NR2C2: variants seen among roughly 807,000 people sequenced by gnomAD.
The protein encoded by NR2C2 is Nuclear hormone receptor TR4.
A neutral mutation model predicts 62.9 loss-of-function variants in NR2C2; 6 were observed. That is an observed-to-expected ratio of 0.10 (90% confidence interval 0.05 to 0.19). The LOEUF (loss-of-function observed/expected upper bound fraction) is 0.19, where lower values mean the gene tolerates loss of function less well. Among genes scored for constraint, NR2C2 ranks in the 10% least tolerant of loss-of-function variants. NR2C2 has a pLI of 1.00. For synonymous variants in NR2C2, 272 were observed against 273.8 expected (o/e 0.99, Z 0.07); for missense variants, 479 against 762.7 (o/e 0.63, Z 4.38).
chr3:14,970,022 G>A (rs1012950547), intron 1 of NR2C2, among the ~76,000 whole-genome samples: 1 of 152,040 alleles, frequency 6.6e-6, no homozygotes, highest in Non-Finnish European at 1.5e-5. Context: ...CCTCTAACTG[G>A]ATGTTTAAAT....
rs1347144791 is a variant in NR2C2, at chr3:15,047,428, G to A, written c.*4420G>A. 2.0e-5 allele frequency: 3 copies of A among 152,216 alleles called. No individual in the cohort carries two copies. Among genetic ancestry groups the A allele is most frequent in the Admixed American group, 6.5e-5 (1 of 15,268 alleles). The allele number at this position is 152,216 out of a possible 1,614,324, so 9.4% of individuals were successfully genotyped here. A position where few individuals can be genotyped will look rare whatever the true frequency, so the allele number is the denominator to read the frequency against. On this transcript the variant is annotated 3_prime_UTR_variant, in exon 14 of 14. Coordinates refer to ENST00000425241, the MANE Select transcript of NR2C2 (RefSeq NM_001291694.2). Reference sequence around the variant, plus strand: ...TTTATCTTAATATCCAAAACTAAGTGGGAATTTTTAACCTTTTCATGCACC... The same window carrying A: ...TTTATCTTAATATCCAAAACTAAGTAGGAATTTTTAACCTTTTCATGCACC...
At chr3:15,019,215 T>G (rs1281493180) in intron 4 of NR2C2, among the ~76,000 whole-genome samples, 3 of 151,280 alleles carry the variant, frequency 2.0e-5, no homozygotes, top group Admixed American at 2.0e-4. Flanking sequence ...TGACTAAGAC[T>G]CTTGTCTCAA....
rs34980642 is a variant in NR2C2 at position 14,989,924 on chromosome 3, C to CAAA, written c.-39-13925_-39-13923dup. On this transcript the variant is annotated intron_variant, in intron 1 of 13. Coordinates refer to ENST00000425241, the MANE Select transcript of NR2C2 (RefSeq NM_001291694.2). Reference sequence around the variant, plus strand: ...GGGCGACAAGAGCAAGACTCCATCTCAAAAAAAAAAAAAAAAAAAAAAAAA... The same window carrying CAAA: ...GGGCGACAAGAGCAAGACTCCATCTCAAAAAAAAAAAAAAAAAAAAAAAAAAAA... 2.1e-3 allele frequency among the ~76,000 whole-genome samples: 109 copies of CAAA among 51,012 alleles called. 2 individuals are homozygous for CAAA. The highest frequency in any genetic ancestry group is 0.014 in the East Asian group (15 of 1,100). 33.5% of individuals were successfully genotyped at this position (51,012 alleles called of 152,430 possible). A position where few individuals can be genotyped will look rare whatever the true frequency, so the allele number is the denominator to read the frequency against.
rs747928070 is a variant in NR2C2 at position 15,030,388 on chromosome 3, A to C, written c.1046A>C (p.Asp349Ala). The C allele has an allele frequency of 2.5e-6, 4 of 1,611,358 alleles. No homozygotes were observed. The highest frequency in any genetic ancestry group is 3.4e-6 in the Non-Finnish European group (4 of 1,179,278). ...GGGAGCATCCACGTCATCAGCAGAG[A>C]CCAGTCGACACCCATCATTGAGGTT... ...GGGSIHVISR[D>A]QSTPIIEVEG... The change falls in exon 9 of 14, where the codon GAC (aspartate) becomes GCC (alanine). Residue 349 changes from aspartate to alanine, a missense_variant. Transcript: ENST00000425241.
chr3:14,955,126 TG>T (rs1323117203), intron 1 of NR2C2, among the ~76,000 whole-genome samples: 1 of 152,220 alleles, frequency 6.6e-6, no homozygotes, highest in Non-Finnish European at 1.5e-5. Flanking sequence ...CCACCGAGCC[TG>T]GCTGGTTTGT....
At position 14,989,212 on chromosome 3, in the gene NR2C2, T is replaced by C. The variant is rs187575306; in HGVS notation, c.-39-14664T>C. Among the ~76,000 whole-genome samples, 8 of 152,236 alleles carry C rather than the reference T, an allele frequency of 5.3e-5. No individual in the cohort carries two copies. In the East Asian group the frequency reaches 1.5e-3, roughly 29 times the overall value. Reference sequence around the variant, plus strand: ...ATGCACTGTGACTTCAGGAGCTCCCTCCCCTCAGTGGCTTTGGGGAAGGGG... The same window carrying C: ...ATGCACTGTGACTTCAGGAGCTCCCCCCCCTCAGTGGCTTTGGGGAAGGGG... On this transcript the variant is annotated intron_variant, in intron 1 of 13. Transcript: ENST00000425241.
At chr3:15,000,033 G>A (rs1004473756) in intron 1 of NR2C2, among the ~76,000 whole-genome samples, 2 of 151,988 alleles carry the variant, frequency 1.3e-5, no homozygotes, top group African/African-American at 2.4e-5. Context: ...GAGAACATTT[G>A]AAATTTACTC....
intron 1 of NR2C2, among the ~76,000 whole-genome samples, chr3:14,973,403 A>C (rs1450095508): frequency 6.6e-6 from 1 of 152,042 alleles, no homozygotes; most frequent in Non-Finnish European, 1.5e-5. Context: ...AATTTAAAAA[A>C]AAAAATTTTT....
At position 15,003,921 on chromosome 3, in the gene NR2C2, A is replaced by G; in HGVS notation, c.7A>G (p.Ser3Gly). ...TCGGCCGGAATCTCCAGGGATGACC[A>G]GCCCCTCCCCACGCATCCAGATAAT... MT[S>G]PSPRIQIIST... The change falls in exon 2 of 14, where the codon AGC (serine) becomes GGC (glycine). Residue 3 changes from serine to glycine, a missense_variant. Around this residue, in one of 4 missense-constraint regions of NR2C2, gnomAD observed 115 missense variants for 152.3 expected, o/e 0.76. Transcript: ENST00000425241. The G allele has an allele frequency of 6.2e-7, 1 of 1,614,002 alleles. No homozygotes were observed. Among genetic ancestry groups the G allele is most frequent in the Non-Finnish European group, 8.5e-7 (1 of 1,179,936 alleles).
chr3:15,030,387 G>A lies in NR2C2; in HGVS notation c.1045G>A (p.Asp349Asn), dbSNP rs1208329952. 1 of 1,612,912 alleles carries A rather than the reference G, an allele frequency of 6.2e-7. No individual in the cohort carries two copies. Among genetic ancestry groups the A allele is most frequent in the Admixed American group, 1.7e-5 (1 of 59,644 alleles). The change falls in exon 9 of 14, where the codon GAC (aspartate) becomes AAC (asparagine). Residue 349 changes from aspartate to asparagine, a missense_variant. Transcript: ENST00000425241. ...GGGSIHVISRDQSTPIIEVEG... is the reference protein window; with the variant it reads ...GGGSIHVISRNQSTPIIEVEG... ...AGGGAGCATCCACGTCATCAGCAGA[G>A]ACCAGTCGACACCCATCATTGAGGT...
At chr3:15,029,109 C>CT (rs200667224) in intron 8 of NR2C2, among the ~76,000 whole-genome samples, 225 of 123,850 alleles carry the variant, frequency 1.8e-3, no homozygotes, top group East Asian at 6.2e-3. Flanking sequence ...TTTCTTTTTT[C>CT]TTTTTTTTTT....
intron 10 of NR2C2, 41 bp downstream of exon 10, chr3:15,032,541 C>G (rs184396701): frequency 1.3e-4 from 211 of 1,613,120 alleles, no homozygotes; most frequent in African/African-American, 1.9e-4. Flanking sequence ...CGGGCAGGAG[C>G]CTTCCTCTCC....
rs756536317 is a variant in NR2C2 at position 15,013,747 on chromosome 3, C to A, written c.231C>A (p.Leu77=). The change falls in exon 3 of 14, where the codon CTC becomes CTA. Residue 77 remains leucine, a synonymous_variant. Coordinates refer to ENST00000425241, the MANE Select transcript of NR2C2 (RefSeq NM_001291694.2). ...ASPETSSAKQ[L]IFTTSDNLVP... is the part of the protein sequence containing the mutation. ...CAGAGACATCCAGCGCCAAGCAACT[C>A]ATATTCACCACCTCAGACAACCTCG... is the stretch of plus-strand genomic sequence containing the variant. The A allele has an allele frequency of 6.2e-7, 1 of 1,614,240 alleles. No homozygotes were observed. Among genetic ancestry groups the A allele is most frequent in the Non-Finnish European group, 8.5e-7 (1 of 1,180,032 alleles).
Position 15,044,645 on chromosome 3 carries a change from T to C in NR2C2, c.*1637T>C, listed in dbSNP as rs551020405. 1 of 152,382 alleles carries C rather than the reference T, an allele frequency of 6.6e-6. No homozygotes were observed. Among genetic ancestry groups the C allele is most frequent in the African/African-American group, 2.4e-5 (1 of 41,588 alleles). 9.4% of individuals were successfully genotyped at this position (152,382 alleles called of 1,614,324 possible). A position where few individuals can be genotyped will look rare whatever the true frequency, so the allele number is the denominator to read the frequency against. ...TGGGTTAAATTTGCCTCTCTTGATTTGTTAATCAGATGATATCCAAAAAGA... is the reference window on the plus strand; with the variant it reads ...TGGGTTAAATTTGCCTCTCTTGATTCGTTAATCAGATGATATCCAAAAAGA... On this transcript the variant is annotated 3_prime_UTR_variant, in exon 14 of 14. Coordinates refer to ENST00000425241, the MANE Select transcript of NR2C2 (RefSeq NM_001291694.2).
At chr3:15,032,612 T>C in intron 10 of NR2C2, 112 bp downstream of exon 10, 1 of 1,294,510 alleles carries the variant, frequency 7.7e-7, no homozygotes, top group South Asian at 1.3e-5. Flanking sequence ...TATGACCTCA[T>C]TCAAAGGACC....
At chr3:14,971,383 G>T (rs1373776743) in intron 1 of NR2C2, among the ~76,000 whole-genome samples, 1 of 151,726 alleles carries the variant, frequency 6.6e-6, no homozygotes, top group African/African-American at 2.4e-5. Flanking sequence ...CTCCCAAAGT[G>T]CTGGGATTAC....
intron 1 of NR2C2, among the ~76,000 whole-genome samples, chr3:14,952,074 A>C (rs1285462548): frequency 6.6e-6 from 1 of 152,218 alleles, no homozygotes; most frequent in Non-Finnish European, 1.5e-5. Context: ...TCTGTCTCCA[A>C]GGAGTAACAT....
intron 2 of NR2C2, among the ~76,000 whole-genome samples, chr3:15,008,468 G>T (rs1296591182): frequency 3.3e-5 from 5 of 151,692 alleles, no homozygotes; most frequent in Non-Finnish European, 7.4e-5. Context: ...GTTGTAAAGA[G>T]CCAACATCGT....
chr3:15,004,631 G>T, intron 2 of NR2C2: 1 of 1,610,422 alleles, frequency 6.2e-7, no homozygotes, highest in Non-Finnish European at 8.5e-7. Flanking sequence ...TATCAAGCTT[G>T]AAGGCAAAAA....
Sources: gnomAD v4.1 joint callset for allele counts (sites outside exome capture counted in the v4.1 genomes callset) on GRCh38, gnomAD v4.1.1 for gene constraint, gnomAD v4.1.1 regional missense constraint, MANE v1.5 for transcripts, NCBI Gene and HGNC (gene_info 2026-07-23, HGNC 2026-07-21) for gene names.